The following ATG5 variants were observed in gnomAD, a reference collection of about 807,000 sequenced individuals.
ATG5 encodes autophagy protein 5.
Under a neutral mutation model 36.5 loss-of-function variants are expected in ATG5, and 14 were observed. That is an observed-to-expected ratio of 0.38 (90% confidence interval 0.25 to 0.60). The LOEUF (loss-of-function observed/expected upper bound fraction) is 0.60. Among genes scored for constraint, ATG5 ranks in the 20% least tolerant of loss-of-function variants. The pLI is 0.60. For missense variants in ATG5, 195 were observed against 326.7 expected (o/e 0.60, Z 3.11); for synonymous variants, 95 against 101.5 (o/e 0.94, Z 0.38).
chr6:106,243,610 C>T (rs531412075), intron 6 of ATG5, among the ~76,000 whole-genome samples: 47 of 149,996 alleles, frequency 3.1e-4, no homozygotes, highest in African/African-American at 1.1e-3. Flanking sequence ...GCAGGTGGTT[C>T]ACCTGAGGTC....
chr6:106,269,710 G>A lies in ATG5; in HGVS notation c.478+9951C>T, dbSNP rs375891279. ...GCCGGCTGCTCCGAGTGCGGGGTCCGCCAAGCCCACACCCACCCGGAACTC... is the reference window on the plus strand; with the variant it reads ...GCCGGCTGCTCCGAGTGCGGGGTCCACCAAGCCCACACCCACCCGGAACTC... On this transcript the variant is annotated intron_variant, in intron 5 of 7. Coordinates refer to ENST00000369076, the MANE Select transcript of ATG5 (RefSeq NM_004849.4). Among the ~76,000 whole-genome samples the A allele has an allele frequency of 1.8e-4, 27 of 152,330 alleles. No individual in the cohort carries two copies. The South Asian group carries it at 2.1e-3, about 12-fold the overall frequency.
chr6:106,296,574 T>C (rs1769949140), intron 3 of ATG5, among the ~76,000 whole-genome samples: 1 of 152,180 alleles, frequency 6.6e-6, no homozygotes, highest in South Asian at 2.1e-4. Context: ...TCCCAGCACT[T>C]TGGGAGGCTG....
At chr6:106,304,059 T>C (rs1770327886) in intron 3 of ATG5, 1 of 150,348 alleles carries the variant, frequency 6.7e-6, no homozygotes, top group African/African-American at 2.4e-5. Flanking sequence ...CAAGACTGTT[T>C]ACATAGAAAA....
At chr6:106,245,526 T>C (rs923144289) in intron 6 of ATG5, among the ~76,000 whole-genome samples, 1 of 152,196 alleles carries the variant, frequency 6.6e-6, no homozygotes, top group Non-Finnish European at 1.5e-5. Flanking sequence ...CTAGCCTCAG[T>C]TTCCTCACAT....
intron 6 of ATG5, among the ~76,000 whole-genome samples, chr6:106,240,929 G>A (rs1778099421): frequency 6.6e-6 from 1 of 152,216 alleles, no homozygotes; most frequent in South Asian, 2.1e-4. Flanking sequence ...AAAGCAGGCG[G>A]ATCACTTGAG....
rs774201130 is a variant in ATG5 at position 106,279,654 on chromosome 6, T to C, written c.478+7A>G. 1 of 1,570,928 alleles carries C rather than the reference T, an allele frequency of 6.4e-7. No homozygotes were observed. The highest frequency in any genetic ancestry group is 2.3e-5 in the East Asian group (1 of 44,144). ...GGTATTCTAAAATTAAACACTATTA[T>C]ACTTACCATTTTGCAATCCCATCCA... is the stretch of plus-strand genomic sequence containing the variant. On this transcript the variant is annotated splice_region_variant and intron_variant, in intron 5 of 7. Transcript: ENST00000369076.
At chr6:106,219,611 G>C (rs918698241) in intron 6 of ATG5, among the ~76,000 whole-genome samples, 4 of 152,090 alleles carry the variant, frequency 2.6e-5, no homozygotes, top group African/African-American at 9.7e-5. Flanking sequence ...GGTATGCATA[G>C]GTTATATGCA....
intron 3 of ATG5, among the ~76,000 whole-genome samples, chr6:106,299,176 C>T (rs547911828): frequency 6.6e-6 from 1 of 152,278 alleles, no homozygotes; most frequent in African/African-American, 2.4e-5. Flanking sequence ...TACCAAAATT[C>T]GCAGATGCTT....
chr6:106,282,784 A>G (rs372950154), intron 4 of ATG5, among the ~76,000 whole-genome samples: 11 of 152,040 alleles, frequency 7.2e-5, no homozygotes, highest in East Asian at 5.8e-4. Flanking sequence ...TGTGATTTAC[A>G]TGGATTGAGA....
chr6:106,305,790 T>C (rs76027792), intron 3 of ATG5, among the ~76,000 whole-genome samples: 235 of 152,300 alleles, frequency 1.5e-3, no homozygotes, highest in African/African-American at 5.5e-3. Flanking sequence ...AGCCCACTAC[T>C]TAAATGCCAG....
At chr6:106,189,602 CAAGT>C (rs1218535902) in intron 7 of ATG5, among the ~76,000 whole-genome samples, 1 of 142,930 alleles carries the variant, frequency 7.0e-6, no homozygotes, top group Non-Finnish European at 1.5e-5. Context: ...GCATGGGTAA[CAAGT>C]GAGACCCTGT....
At chr6:106,191,745 T>C (rs901143822) in intron 7 of ATG5, among the ~76,000 whole-genome samples, 6 of 152,108 alleles carry the variant, frequency 3.9e-5, no homozygotes, top group African/African-American at 1.4e-4. Flanking sequence ...GTGTCAAAAA[T>C]GTAACTGATA....
intron 2 of ATG5, among the ~76,000 whole-genome samples, chr6:106,313,061 T>C (rs1770711285): frequency 6.6e-6 from 1 of 151,888 alleles, no homozygotes; most frequent in South Asian, 2.1e-4. Flanking sequence ...AAGTTGAAAG[T>C]AAAATAAACA....
At chr6:106,232,669 T>C (rs534707560) in intron 6 of ATG5, among the ~76,000 whole-genome samples, 3 of 152,062 alleles carry the variant, frequency 2.0e-5, no homozygotes, top group Non-Finnish European at 4.4e-5. Context: ...AAGCATGCAA[T>C]AGCCCCTACA....
intron 5 of ATG5, among the ~76,000 whole-genome samples, chr6:106,268,897 GA>G (rs1249352076): frequency 6.6e-6 from 1 of 151,928 alleles, no homozygotes; most frequent in Non-Finnish European, 1.5e-5. Flanking sequence ...GGGGCAAGCA[GA>G]GGGGGAACAT....
chr6:106,297,256 T>G (rs1015430150), intron 3 of ATG5, among the ~76,000 whole-genome samples: 19 of 152,236 alleles, frequency 1.2e-4, no homozygotes, highest in Non-Finnish European at 2.2e-4. Context: ...TTTCATCTTT[T>G]ATGCTATTTA....
At chr6:106,192,339 A>G (rs1287610936) in intron 7 of ATG5, among the ~76,000 whole-genome samples, 5 of 152,072 alleles carry the variant, frequency 3.3e-5, no homozygotes, top group African/African-American at 1.2e-4. Flanking sequence ...TTTGAGTTCT[A>G]AAGATTTCTA....
At chr6:106,275,892 T>C (rs1470352370) in intron 5 of ATG5, among the ~76,000 whole-genome samples, 1 of 152,208 alleles carries the variant, frequency 6.6e-6, no homozygotes, top group East Asian at 1.9e-4. Flanking sequence ...AGTCTCCTCA[T>C]AATGATTTAA....
At position 106,186,064 on chromosome 6, in the gene ATG5, T is replaced by C. The variant is rs563639762; in HGVS notation, c.*476A>G. The C allele has an allele frequency of 6.5e-6, 1 of 153,998 alleles. No homozygotes were observed. The highest frequency in any genetic ancestry group is 2.4e-5 in the African/African-American group (1 of 41,602). 9.5% of individuals were successfully genotyped at this position (153,998 alleles called of 1,614,324 possible). On this transcript the variant is annotated 3_prime_UTR_variant, in exon 8 of 8. Coordinates refer to ENST00000369076, the MANE Select transcript of ATG5 (RefSeq NM_004849.4). ...ATGGGTTTACTGTAATTCAATCTTTTACAAAAAATTACTTGCAAGTTATTG... is the reference window on the plus strand; with the variant it reads ...ATGGGTTTACTGTAATTCAATCTTTCACAAAAAATTACTTGCAAGTTATTG...
Sources: allele counts gnomAD v4.1 joint callset (sites outside exome capture counted in the v4.1 genomes callset), GRCh38; gene constraint gnomAD v4.1.1; transcripts MANE v1.5; gene names NCBI Gene and HGNC (gene_info 2026-07-23, HGNC 2026-07-21).